Variants in RBMS3 observed in about 807,000 individuals in gnomAD.
RBMS3 encodes RNA binding motif single stranded interacting protein 3.
A neutral mutation model predicts 66.8 loss-of-function variants in RBMS3; 27 were observed. The ratio of observed to expected loss-of-function variants is 0.40; its 90% confidence interval spans 0.30 to 0.56. The LOEUF (loss-of-function observed/expected upper bound fraction) is 0.56. Ranked by LOEUF, RBMS3 falls within the 20% of genes least tolerant of loss-of-function variation. The pLI is 0.40. For synonymous variants in RBMS3, 188 were observed against 183.0 expected (o/e 1.03, Z -0.22); for missense variants, 513 against 549.5 (o/e 0.93, Z 0.66).
At chr3:29,413,684 G>A (rs1242990882) in intron 1 of RBMS3, among the ~76,000 whole-genome samples, 1 of 152,122 alleles carries the variant, frequency 6.6e-6, no homozygotes, top group African/African-American at 2.4e-5. Context: ...AGACATAGGA[G>A]GTCATTTTTC....
chr3:29,332,230 C>A (rs12488752), intron 1 of RBMS3, among the ~76,000 whole-genome samples: 1 of 152,004 alleles, frequency 6.6e-6, no homozygotes, highest in African/African-American at 2.4e-5. Flanking sequence ...CAGTGAATAT[C>A]GGAATATCAG....
At chr3:29,388,619 G>C (rs2039122943) in intron 1 of RBMS3, among the ~76,000 whole-genome samples, 1 of 152,184 alleles carries the variant, frequency 6.6e-6, no homozygotes, top group South Asian at 2.1e-4. Flanking sequence ...CTGTCGCACA[G>C]GCTGGAGTGC....
chr3:29,654,306 C>T (rs903033928), intron 4 of RBMS3, among the ~76,000 whole-genome samples: 4 of 152,104 alleles, frequency 2.6e-5, no homozygotes, highest in Non-Finnish European at 4.4e-5. Context: ...CTTATTAATA[C>T]GTACTTTAAG....
intron 5 of RBMS3, among the ~76,000 whole-genome samples, chr3:29,745,249 T>TG (rs3836343): frequency 3.9e-3 from 245 of 62,346 alleles, no homozygotes; most frequent in Admixed American, 7.6e-3. Context: ...TGTGTGTGTG[T>TG]TTTTTTTTAC....
chr3:29,369,982 G>A (rs751313480), intron 1 of RBMS3, among the ~76,000 whole-genome samples: 1 of 151,942 alleles, frequency 6.6e-6, no homozygotes, highest in Non-Finnish European at 1.5e-5. Context: ...TTCTTTCAGA[G>A]GTTATTTTAA....
rs1382345675 is a variant in RBMS3, at chr3:29,584,505, AT to A, written c.308-2606del. 3.3e-5 allele frequency among the ~76,000 whole-genome samples: 5 copies of A among 151,990 alleles called. No homozygotes were observed. In the East Asian group the frequency reaches 9.7e-4, roughly 29 times the overall value. On this transcript the variant is annotated intron_variant, in intron 3 of 14. Transcript: ENST00000383767. ...CTAATATATCCAGCTGCGATTTGACATTTCTATTTAGATGTCTCGGGCATTT... is the reference window on the plus strand; with the variant it reads ...CTAATATATCCAGCTGCGATTTGACATTCTATTTAGATGTCTCGGGCATTT...
chr3:29,791,075 T>G (rs966745762), intron 6 of RBMS3, among the ~76,000 whole-genome samples: 7 of 152,222 alleles, frequency 4.6e-5, no homozygotes, highest in Non-Finnish European at 1.0e-4. Flanking sequence ...TATACCAGTA[T>G]GTTTAAGAAG....
At chr3:29,815,845 C>T (rs1238534541) in intron 6 of RBMS3, among the ~76,000 whole-genome samples, 1 of 151,840 alleles carries the variant, frequency 6.6e-6, no homozygotes, top group East Asian at 1.9e-4. Flanking sequence ...GTGTACACTG[C>T]TTGGGTGATG....
rs1698895516 is a variant in RBMS3 at position 29,991,836 on chromosome 3, A to T, written c.1307+627A>T. The stretch of plus-strand genomic sequence containing the variant: ...TCCCCCTTGTAGGGTTACTTTGAAT[A>T]CACAGTTAAATGTCGATGAAAAAGG... On this transcript the variant is annotated intron_variant, in intron 14 of 14. Coordinates refer to ENST00000383767, the MANE Select transcript of RBMS3 (RefSeq NM_001003793.3). 3 of 152,226 alleles carry T rather than the reference A, an allele frequency of 2.0e-5. No individual in the cohort carries two copies. The East Asian group carries it at 5.8e-4, about 29-fold the overall frequency. The allele number at this position is 152,226 out of a possible 1,614,324, so 9.4% of individuals were successfully genotyped here.
intron 11 of RBMS3, among the ~76,000 whole-genome samples, chr3:29,937,147 C>T (rs916264149): frequency 9.9e-5 from 15 of 152,124 alleles, no homozygotes; most frequent in African/African-American, 3.6e-4. Context: ...AGATATAAAA[C>T]TTGCGTAAGC....
chr3:29,379,232 A>G (rs1435142330), intron 1 of RBMS3, among the ~76,000 whole-genome samples: 27 of 152,232 alleles, frequency 1.8e-4, no homozygotes, highest in Non-Finnish European at 1.5e-5. Context: ...GCAGTGACTC[A>G]ATGTATTATT....
intron 3 of RBMS3, among the ~76,000 whole-genome samples, chr3:29,529,580 A>G (rs1178769372): frequency 1.3e-5 from 2 of 152,206 alleles, no homozygotes; most frequent in Non-Finnish European, 2.9e-5. Flanking sequence ...TAGAGTATAT[A>G]TATCCCATAG....
At chr3:29,781,918 C>T (rs538838259) in intron 6 of RBMS3, among the ~76,000 whole-genome samples, 13 of 152,112 alleles carry the variant, frequency 8.5e-5, no homozygotes, top group South Asian at 4.2e-4. Flanking sequence ...GCCACAATCC[C>T]CCCGGGAATA....
chr3:29,834,504 A>G (rs918850607), intron 6 of RBMS3, among the ~76,000 whole-genome samples: 1 of 152,072 alleles, frequency 6.6e-6, no homozygotes, highest in Non-Finnish European at 1.5e-5. Context: ...ATAAAAACTT[A>G]GAATTGGGTG....
chr3:30,008,320 C>A lies in RBMS3; in HGVS notation c.*4458C>A, dbSNP rs886817134. On this transcript the variant is annotated 3_prime_UTR_variant, in exon 15 of 15. Transcript: ENST00000383767. ...CTTAATTTGAGTGCATGAACCACTG[C>A]AGATGAGCTGATAAGCAGAAATTCT... The A allele has an allele frequency of 3.5e-5, 5 of 141,164 alleles. No individual in the cohort carries two copies. Among genetic ancestry groups the A allele is most frequent in the Non-Finnish European group, 6.1e-5 (4 of 66,108 alleles). 8.7% of individuals were successfully genotyped at this position (141,164 alleles called of 1,614,324 possible).
intron 4 of RBMS3, chr3:29,698,372 G>C: frequency 1.0e-6 from 1 of 985,366 alleles, no homozygotes; most frequent in Non-Finnish European, 1.2e-6. Context: ...TGAATGTGCT[G>C]TAAACCAGAT....
chr3:29,953,711 G>A (rs1313856351), intron 12 of RBMS3, among the ~76,000 whole-genome samples: 3 of 151,816 alleles, frequency 2.0e-5, no homozygotes, highest in Non-Finnish European at 4.4e-5. Flanking sequence ...CATTCCGCAG[G>A]GAGTTTCTTT....
intron 13 of RBMS3, among the ~76,000 whole-genome samples, chr3:29,990,175 C>T (rs1698736185): frequency 6.8e-6 from 1 of 147,026 alleles, no homozygotes; most frequent in African/African-American, 2.4e-5. Context: ...TAAATAATAC[C>T]AAATAGTAAA....
chr3:29,459,311 G>C (rs17023616), intron 2 of RBMS3, among the ~76,000 whole-genome samples: 13,876 of 152,158 alleles, frequency 0.091, 977 homozygotes, highest in African/African-American at 0.2. Flanking sequence ...TAGAGGTAAG[G>C]GTTCTCTTCA....
Sources: allele counts gnomAD v4.1 joint callset (sites outside exome capture counted in the v4.1 genomes callset), GRCh38; gene constraint gnomAD v4.1.1; transcripts MANE v1.5; gene names NCBI Gene and HGNC (gene_info 2026-07-23, HGNC 2026-07-21).